The following CCT4 variants were observed in gnomAD, a reference collection of about 807,000 sequenced individuals.
The protein encoded by CCT4 is T-complex protein 1 subunit delta.
CCT4 carries 17 observed loss-of-function variants against 62.5 expected under a neutral mutation model. That is an observed-to-expected ratio of 0.27 (90% CI 0.19 to 0.41). The LOEUF (loss-of-function observed/expected upper bound fraction) is 0.41, where lower values mean the gene tolerates loss of function less well. CCT4 is among the 10% of genes least tolerant of loss of function. CCT4 has a pLI of 1.00. For missense variants in CCT4, 592 were observed against 659.2 expected (o/e 0.90, Z 1.12); for synonymous variants, 250 against 229.9 (o/e 1.09, Z -0.79).
chr2:61,883,775 C>CAGACAG (rs71409300), intron 2 of CCT4, among the ~76,000 whole-genome samples: 20 of 47,466 alleles, frequency 4.2e-4, no homozygotes, highest in Admixed American at 1.2e-3. Flanking sequence ...GAAATGTAGA[C>CAGACAG]ACACACACAC....
At chr2:61,887,833 CGT>C (rs1669294270) in intron 1 of CCT4, 1 of 152,250 alleles carries the variant, frequency 6.6e-6, no homozygotes, top group African/African-American at 2.4e-5. Context: ...ACGACATCAA[CGT>C]AACTTTTCCG....
In CCT4 at chr2:61,877,065, GA is replaced by G. The variant is rs1669016801; in HGVS notation, c.645-14del. The G allele has an allele frequency of 2.5e-6, 4 of 1,609,774 alleles. No individual in the cohort carries two copies. Among genetic ancestry groups the G allele is most frequent in the Non-Finnish European group, 3.4e-6 (4 of 1,177,952 alleles). ...ATCAATTGTCCCACTAAGGATAAAA[GA>G]AAACAAAGAGGGGTAGTTAAGAGGG... On this transcript the variant is annotated splice_polypyrimidine_tract_variant and intron_variant, in intron 6 of 13. Coordinates refer to ENST00000394440, the MANE Select transcript of CCT4 (RefSeq NM_006430.4).
chr2:61,877,074 G>A (rs1572919530), intron 6 of CCT4, 22 bp from the exon 7 acceptor site: 2 of 1,608,132 alleles, frequency 1.2e-6, no homozygotes, highest in Non-Finnish European at 1.7e-6. Flanking sequence ...AGAAAACAAA[G>A]AGGGGTAGTT....
chr2:61,876,987 C>T lies in CCT4; in HGVS notation c.710G>A (p.Gly237Asp), dbSNP rs1669014054. 6.2e-7 allele frequency: 1 copy of T among 1,613,412 alleles called. No individual in the cohort carries two copies. The highest frequency in any genetic ancestry group is 1.7e-5 in the Admixed American group (1 of 59,988). Residue 237 changes from glycine to aspartate, a missense_variant, in exon 7 of 14, where the codon GGC becomes GAC. Gly to Asp is a moderately conservative substitution (Grantham distance 94). This residue lies in a region of CCT4 where 522 missense variants were observed against 571.2 expected (regional missense o/e 0.91). Transcript: ENST00000394440. ...CTTGGCCTTTTCAACTCTGGTTATG[C>T]CAGAATTTGACACTTTTTGGGTGAG... ...LVLTQKVSNS[G>D]ITRVEKAKIG... is the part of the protein sequence containing the mutation.
At chr2:61,877,567 A>T (rs544109881) in intron 5 of CCT4, 53 bp from the exon 6 acceptor site, 17 of 1,356,010 alleles carry the variant, frequency 1.3e-5, no homozygotes, top group Admixed American at 5.7e-5. Context: ...AAAAAGTCCT[A>T]ATTTTTCAAT....
chr2:61,888,492 C>G lies in CCT4; in HGVS notation c.16G>C (p.Ala6Pro), dbSNP rs780688062. The G allele has an allele frequency of 4.3e-6, 7 of 1,611,792 alleles. No homozygotes were observed. The South Asian group carries it at 6.6e-5, about 15-fold the overall frequency. The change falls in exon 1 of 14, where the codon GCA (alanine) becomes CCA (proline). Residue 6 changes from alanine (A) to proline (P), a missense_variant. By Grantham distance (27) the Ala-to-Pro change is conservative. Coordinates refer to ENST00000394440, the MANE Select transcript of CCT4 (RefSeq NM_006430.4). Reference sequence around the variant, plus strand: ...CCGGCAGTCGCCCCGCTCCGGGGTGCCACATTCTCGGGCATGGCAAACTCC... The same window carrying G: ...CCGGCAGTCGCCCCGCTCCGGGGTGGCACATTCTCGGGCATGGCAAACTCC... Reference protein sequence around the residue: MPENVAPRSGATAGAA... With the variant: MPENVPPRSGATAGAA...
chr2:61,885,002 A>C lies in CCT4; in HGVS notation c.180+18T>G. The stretch of plus-strand genomic sequence containing the variant: ...CAGCAGTGCTCAATTAGTAGTATTC[A>C]ATGACTCAACTCTTTACCATTTTAT... On this transcript the variant is annotated intron_variant, in intron 2 of 13. Coordinates refer to ENST00000394440, the MANE Select transcript of CCT4 (RefSeq NM_006430.4). The C allele has an allele frequency of 3.8e-6, 6 of 1,569,000 alleles. No homozygotes were observed. The highest frequency in any genetic ancestry group is 5.2e-6 in the Non-Finnish European group (6 of 1,155,606).
chr2:61,874,833 T>C (rs1242092275), intron 8 of CCT4, among the ~76,000 whole-genome samples: 1 of 151,946 alleles, frequency 6.6e-6, no homozygotes, highest in Non-Finnish European at 1.5e-5. Context: ...TAGGTAAGAT[T>C]ATATATCCTA....
intron 1 of CCT4, among the ~76,000 whole-genome samples, chr2:61,886,518 C>T (rs1359016459): frequency 6.6e-6 from 1 of 152,118 alleles, no homozygotes; most frequent in East Asian, 1.9e-4. Context: ...GGGCCGGGTG[C>T]GGTGGCTCAC....
At chr2:61,882,322 T>G (rs1033952893) in intron 3 of CCT4, among the ~76,000 whole-genome samples, 2 of 152,180 alleles carry the variant, frequency 1.3e-5, no homozygotes, top group Non-Finnish European at 2.9e-5. Context: ...CTCGAGTGTA[T>G]GCCAAGTTTC....
rs146784040 is a variant in CCT4 at position 61,869,495 on chromosome 2, C to T, written c.1550G>A (p.Ser517Asn). ...LVVQPLLVSV[S>N]ALTLATETVR... ...AGTTTCAGTTGCAAGAGTCAGAGCA[C>T]TGACTGATACCAACAGAGGCTGGAC... The change falls in exon 13 of 14, where the codon AGT (serine) becomes AAT (asparagine). Residue 517 changes from serine to asparagine, a missense_variant. Ser to Asn is a conservative substitution (Grantham distance 46). This residue lies in a region of CCT4 where 522 missense variants were observed against 571.2 expected (regional missense o/e 0.91). Transcript: ENST00000394440. 1 of 1,612,950 alleles carries T rather than the reference C, an allele frequency of 6.2e-7. No homozygotes were observed. The highest frequency in any genetic ancestry group is 8.5e-7 in the Non-Finnish European group (1 of 1,178,920).
chr2:61,874,986 C>A (rs966781628), intron 8 of CCT4, among the ~76,000 whole-genome samples: 7 of 151,866 alleles, frequency 4.6e-5, no homozygotes, highest in African/African-American at 1.5e-4. Context: ...CTACTAAAAA[C>A]ACAAAATTAG....
chr2:61,883,933 T>C (rs1669178861), intron 2 of CCT4, among the ~76,000 whole-genome samples: 1 of 152,220 alleles, frequency 6.6e-6, no homozygotes, highest in African/African-American at 2.4e-5. Context: ...GTGAACACAA[T>C]TCTTACAGTC....
rs911581387 is a variant in CCT4 at position 61,888,564 on chromosome 2, G to A, written c.-57C>T. 1.3e-6 allele frequency: 2 copies of A among 1,579,452 alleles called. No homozygotes were observed. Among genetic ancestry groups the A allele is most frequent in the Admixed American group, 3.5e-5 (2 of 57,168 alleles). On this transcript the variant is annotated 5_prime_UTR_variant, in exon 1 of 14. Coordinates refer to ENST00000394440, the MANE Select transcript of CCT4 (RefSeq NM_006430.4). ...GAAGGACGGATGGACCCGGATTCTGGCCGGCCGCAGTGTAATAACGGTAAG... is the reference window on the plus strand; with the variant it reads ...GAAGGACGGATGGACCCGGATTCTGACCGGCCGCAGTGTAATAACGGTAAG...
chr2:61,880,848 G>A (rs1312265738), intron 3 of CCT4, among the ~76,000 whole-genome samples: 1 of 152,042 alleles, frequency 6.6e-6, no homozygotes, highest in African/African-American at 2.4e-5. Context: ...TGGGGCTATA[G>A]GTGCACACTA....
At chr2:61,882,415 G>A (rs1669138374) in intron 3 of CCT4, among the ~76,000 whole-genome samples, 1 of 152,008 alleles carries the variant, frequency 6.6e-6, no homozygotes, top group Admixed American at 6.6e-5. Context: ...TTTCTTCTGT[G>A]GACACATGAA....
intron 2 of CCT4, 58 bp from the exon 3 acceptor site, chr2:61,883,606 C>T (rs2105140125): frequency 9.6e-6 from 8 of 831,260 alleles, no homozygotes; most frequent in Non-Finnish European, 1.5e-5. Flanking sequence ...TTTTATTAAA[C>T]TTTTACATTT....
rs768903074 is a variant in CCT4 at position 61,888,439 on chromosome 2, G to A, written c.69C>T (p.Ala23=). 4 of 1,612,292 alleles carry A rather than the reference G, an allele frequency of 2.5e-6. No homozygotes were observed. The highest frequency in any genetic ancestry group is 2.5e-6 in the Non-Finnish European group (3 of 1,179,446). Residue 23 remains alanine, a synonymous_variant, in exon 1 of 14, where the codon GCC becomes GCT. Coordinates refer to ENST00000394440, the MANE Select transcript of CCT4 (RefSeq NM_006430.4). ...AGAAGGRGKG[A]YQDRDKPAQI... ...GGGCTGGCTTGTCGCGGTCCTGATA[G>A]GCGCCTTTCCCGCGGCCGCCGGCAG... is the stretch of plus-strand genomic sequence containing the variant.
intron 1 of CCT4, 61 bp from the exon 2 acceptor site, chr2:61,885,133 G>T (rs1340423304): frequency 3.8e-6 from 5 of 1,332,652 alleles, no homozygotes; most frequent in African/African-American, 1.5e-5. Flanking sequence ...TAAGAGACAG[G>T]GTCTTACTAT....
Sources: allele counts gnomAD v4.1 joint callset (sites outside exome capture counted in the v4.1 genomes callset), GRCh38; gene constraint gnomAD v4.1.1; regional missense constraint gnomAD v4.1.1; transcripts MANE v1.5; gene names NCBI Gene and HGNC (gene_info 2026-07-23, HGNC 2026-07-21).